The following PARVA variants were observed in gnomAD, a reference collection of about 807,000 sequenced individuals.
PARVA encodes parvin alpha, also known as alpha-parvin.
Under a neutral mutation model 52.6 loss-of-function variants are expected in PARVA, and 25 were observed. The ratio of observed to expected loss-of-function variants is 0.48; its 90% CI spans 0.35 to 0.66. The LOEUF is 0.66. Among genes scored for constraint, PARVA ranks in the 30% least tolerant of loss-of-function variants. The pLI, the probability that PARVA is intolerant of heterozygous loss-of-function variation, is 0.01. For missense variants in PARVA, 373 were observed against 450.9 expected, an observed-to-expected ratio of 0.83 and a Z score of 1.56; for synonymous variants, 185 against 179.1, an observed-to-expected ratio of 1.03 and a Z score of -0.26.
At chr11:12,473,575 G>T (rs1043608298) in intron 1 of PARVA, among the ~76,000 whole-genome samples, 170 bp from the exon 2 acceptor site, 1 of 152,154 alleles carries the variant, frequency 6.6e-6, no homozygotes, top group Non-Finnish European at 1.5e-5. Flanking sequence ...GGGACAATTA[G>T]GTCCTTTCAG....
intron 1 of PARVA, among the ~76,000 whole-genome samples, chr11:12,416,331 GAC>G (rs1249444298): frequency 2.0e-5 from 3 of 152,200 alleles, no homozygotes; most frequent in African/African-American, 7.2e-5. Flanking sequence ...CACCTCAAGA[GAC>G]AGCATTCAAA....
At chr11:12,501,124 C>G (rs553805574) in intron 5 of PARVA, among the ~76,000 whole-genome samples, 15 of 150,098 alleles carry the variant, frequency 1.0e-4, no homozygotes, top group African/African-American at 3.7e-4. Context: ...AAAAAACAAT[C>G]TTTCCACTCT....
chr11:12,401,950 A>G lies in PARVA; in HGVS notation c.136+24167A>G, dbSNP rs1939834587. ...GTTAGTCAACCCATCAGAATTTTCA[A>G]GTTCCCCAACTAGAGAATGTAGATA... On this transcript the variant is annotated intron_variant, in intron 1 of 12. Transcript: ENST00000334956. Among the ~76,000 whole-genome samples the G allele has an allele frequency of 2.0e-5, 3 of 152,334 alleles. No homozygotes were observed. In the South Asian group the frequency reaches 6.2e-4, roughly 32 times the overall value.
At chr11:12,491,321 T>G (rs1215095787) in intron 4 of PARVA, among the ~76,000 whole-genome samples, 1 of 152,106 alleles carries the variant, frequency 6.6e-6, no homozygotes, top group Non-Finnish European at 1.5e-5. Context: ...TGTGCCACCA[T>G]GCCCAGCTAA....
At chr11:12,380,942 G>A (rs886109379) in intron 1 of PARVA, among the ~76,000 whole-genome samples, 12 of 152,204 alleles carry the variant, frequency 7.9e-5, no homozygotes, top group African/African-American at 2.9e-4. Flanking sequence ...TTGAAACCAA[G>A]TGTAAGATCT....
At chr11:12,379,210 G>A (rs1160034881) in intron 1 of PARVA, among the ~76,000 whole-genome samples, 5 of 148,812 alleles carry the variant, frequency 3.4e-5, no homozygotes, top group Non-Finnish European at 7.5e-5. Context: ...TCTTTACTGC[G>A]ACCTGTTTTA....
chr11:12,384,581 A>T (rs1293892992), intron 1 of PARVA, among the ~76,000 whole-genome samples: 1 of 152,218 alleles, frequency 6.6e-6, no homozygotes, highest in Non-Finnish European at 1.5e-5. Context: ...GGTTGTCAGT[A>T]TTAAGTAGGA....
At chr11:12,419,094 A>G (rs1940109863) in intron 1 of PARVA, among the ~76,000 whole-genome samples, 1 of 152,198 alleles carries the variant, frequency 6.6e-6, no homozygotes, top group Non-Finnish European at 1.5e-5. Context: ...TTTGGTTTTA[A>G]AAAAGTCTTT....
At chr11:12,395,414 A>C (rs1033890650) in intron 1 of PARVA, among the ~76,000 whole-genome samples, 23 of 152,280 alleles carry the variant, frequency 1.5e-4, no homozygotes, top group African/African-American at 5.3e-4. Flanking sequence ...TGATTCTGAG[A>C]TACTCCTGGA....
At chr11:12,451,713 A>G (rs1449402141) in intron 1 of PARVA, among the ~76,000 whole-genome samples, 1 of 152,210 alleles carries the variant, frequency 6.6e-6, no homozygotes, top group Non-Finnish European at 1.5e-5. Flanking sequence ...TAGGTATGAT[A>G]AATTCATTTA....
At chr11:12,411,587 A>G (rs1426182099) in intron 1 of PARVA, among the ~76,000 whole-genome samples, 1 of 151,930 alleles carries the variant, frequency 6.6e-6, no homozygotes, top group Non-Finnish European at 1.5e-5. Flanking sequence ...CTTGTTTTTG[A>G]TGGCCTCGGC....
intron 4 of PARVA, among the ~76,000 whole-genome samples, chr11:12,489,697 C>T (rs1024391827): frequency 6.6e-6 from 1 of 152,024 alleles, no homozygotes; most frequent in African/African-American, 2.4e-5. Flanking sequence ...TACAGTGAAA[C>T]CTAAGAACAC....
chr11:12,431,900 G>A (rs1427703908), intron 1 of PARVA, among the ~76,000 whole-genome samples: 1 of 152,204 alleles, frequency 6.6e-6, no homozygotes, highest in Non-Finnish European at 1.5e-5. Flanking sequence ...GCAGTTGTTG[G>A]AAATTCCCAA....
At chr11:12,508,914 A>G (rs1941468647) in intron 7 of PARVA, among the ~76,000 whole-genome samples, 1 of 152,190 alleles carries the variant, frequency 6.6e-6, no homozygotes, top group Non-Finnish European at 1.5e-5. Context: ...GTGCCCAAAA[A>G]AAGCCAACCC....
At chr11:12,377,269 A>C, upstream of PARVA, 1 of 484,388 alleles carries the variant, frequency 2.1e-6, no homozygotes, top group South Asian at 5.3e-5. Flanking sequence ...GTTGGTTCTC[A>C]GATGTGTTTT....
intron 1 of PARVA, among the ~76,000 whole-genome samples, chr11:12,459,494 C>T (rs1378838253): frequency 6.6e-6 from 1 of 152,020 alleles, no homozygotes; most frequent in Non-Finnish European, 1.5e-5. Context: ...GCACGAGTTC[C>T]CAGAGGCCCC....
At chr11:12,527,513 G>T (rs1439565087) in intron 12 of PARVA, among the ~76,000 whole-genome samples, 1 of 152,020 alleles carries the variant, frequency 6.6e-6, no homozygotes, top group African/African-American at 2.4e-5. Context: ...GAGTCCTAAT[G>T]CACCCCCTGG....
chr11:12,420,856 A>G (rs1281508510), intron 1 of PARVA, among the ~76,000 whole-genome samples: 1 of 152,120 alleles, frequency 6.6e-6, no homozygotes, highest in East Asian at 1.9e-4. Context: ...TGGCATAACT[A>G]GCATTCAAGT....
At chr11:12,502,017 C>T (rs752196737) in intron 5 of PARVA, among the ~76,000 whole-genome samples, 57 of 152,292 alleles carry the variant, frequency 3.7e-4, no homozygotes, top group Admixed American at 6.5e-4. Flanking sequence ...AAGAGCAAAC[C>T]TGGATTTGCC....
Sources: gnomAD v4.1 joint callset for allele counts (sites outside exome capture counted in the v4.1 genomes callset) on GRCh38, gnomAD v4.1.1 for gene constraint, MANE v1.5 for transcripts, NCBI Gene and HGNC (gene_info 2026-07-23, HGNC 2026-07-21) for gene names.